Variants in ABCC1 observed in about 807,000 individuals in gnomAD.
The protein encoded by ABCC1 is multidrug resistance-associated protein 1.
In ABCC1, 83 loss-of-function variants were observed where a neutral mutation model predicts 172.9. That is an observed-to-expected ratio of 0.48 (90% CI 0.40 to 0.58). ABCC1 has a LOEUF of 0.58. Among genes scored for constraint, ABCC1 ranks in the 20% least tolerant of loss-of-function variants. ABCC1 has a pLI of 0.00. For synonymous variants in ABCC1, 937 were observed against 825.2 expected (o/e 1.14, Z -2.32); for missense variants, 1,817 against 2,002.7 (o/e 0.91, Z 1.77).
chr16:16,094,040 C>A (rs980926923), intron 19 of ABCC1, among the ~76,000 whole-genome samples: 3 of 142,370 alleles, frequency 2.1e-5, no homozygotes, highest in African/African-American at 8.0e-5. Context: ...AATTTATTCC[C>A]ATGCCATAAG....
At chr16:15,966,862 C>A (rs1369424871) in intron 1 of ABCC1, among the ~76,000 whole-genome samples, 1 of 152,058 alleles carries the variant, frequency 6.6e-6, no homozygotes, top group African/African-American at 2.4e-5. Context: ...GTCACCCAGG[C>A]TGGAGTGCAG....
At chr16:15,958,194 C>T (rs943006309) in intron 1 of ABCC1, among the ~76,000 whole-genome samples, 4 of 152,206 alleles carry the variant, frequency 2.6e-5, no homozygotes, top group African/African-American at 9.6e-5. Flanking sequence ...CAACCTCTGC[C>T]TCCCGGGTTC....
intron 14 of ABCC1, among the ~76,000 whole-genome samples, chr16:16,074,207 A>G (rs1214553055): frequency 6.6e-6 from 1 of 152,140 alleles, no homozygotes; most frequent in Non-Finnish European, 1.5e-5. Context: ...ATACAGTAGT[A>G]TCCATCCCAA....
At chr16:16,080,861 C>A (rs554526338) in intron 16 of ABCC1, among the ~76,000 whole-genome samples, 2 of 122,082 alleles carry the variant, frequency 1.6e-5, no homozygotes, top group African/African-American at 6.4e-5. Flanking sequence ...AAGTTTATGA[C>A]GTTGTTTGTT....
Position 16,039,307 on chromosome 16 carries a change from AC to A in ABCC1, c.809+2707del, listed in dbSNP as rs1353888192. ...TTTTGAGATGGAGTCTCATTCTGTT[AC>A]CCAGGGTGGAATACAGTAGTGTGAT... On this transcript the variant is annotated intron_variant, in intron 7 of 30. Coordinates refer to ENST00000399410, the MANE Select transcript of ABCC1 (RefSeq NM_004996.4). Among the ~76,000 whole-genome samples, 3 of 106,756 alleles carry A rather than the reference AC, an allele frequency of 2.8e-5. No individual in the cohort carries two copies. In the East Asian group the frequency reaches 7.7e-4, roughly 28 times the overall value. The allele number at this position is 106,756 out of a possible 152,430, so 70.0% of individuals were successfully genotyped here. A position where few individuals can be genotyped will look rare whatever the true frequency, so the allele number is the denominator to read the frequency against.
intron 7 of ABCC1, among the ~76,000 whole-genome samples, chr16:16,041,518 C>T (rs989594786): frequency 2.0e-5 from 3 of 152,012 alleles, no homozygotes; most frequent in Admixed American, 6.6e-5. Flanking sequence ...GTAGACGGAT[C>T]GCTTGCTTTA....
At chr16:16,042,466 C>T (rs1302358344) in intron 7 of ABCC1, among the ~76,000 whole-genome samples, 1 of 151,912 alleles carries the variant, frequency 6.6e-6, no homozygotes, top group Non-Finnish European at 1.5e-5. Context: ...ACTTTGGGGG[C>T]CCAAGGCAGG....
chr16:16,092,519 G>T (rs748489067), intron 19 of ABCC1, among the ~76,000 whole-genome samples: 20 of 152,166 alleles, frequency 1.3e-4, no homozygotes, highest in Non-Finnish European at 2.8e-4. Flanking sequence ...TACACTTAGC[G>T]TGGTGTTTTC....
chr16:16,001,298 G>A (rs1211909007), intron 1 of ABCC1, among the ~76,000 whole-genome samples: 1 of 152,046 alleles, frequency 6.6e-6, no homozygotes, highest in Non-Finnish European at 1.5e-5. Flanking sequence ...TGCAAGCTCT[G>A]CCTCCCGGGT....
At chr16:16,090,020 T>C (rs1429230062) in intron 18 of ABCC1, among the ~76,000 whole-genome samples, 1 of 152,202 alleles carries the variant, frequency 6.6e-6, no homozygotes, top group African/African-American at 2.4e-5. Flanking sequence ...CCATTACCTT[T>C]GTTAAAATTG....
intron 1 of ABCC1, among the ~76,000 whole-genome samples, chr16:15,970,879 G>A (rs1356084158): frequency 1.3e-5 from 2 of 152,184 alleles, no homozygotes; most frequent in Non-Finnish European, 2.9e-5. Context: ...ACAGGTGTGA[G>A]CCATTATACC....
At chr16:16,051,045 T>G (rs930125740) in intron 10 of ABCC1, among the ~76,000 whole-genome samples, 1 of 152,220 alleles carries the variant, frequency 6.6e-6, no homozygotes, top group Non-Finnish European at 1.5e-5. Context: ...TATGAACCGT[T>G]AAGAAAATTG....
intron 5 of ABCC1, among the ~76,000 whole-genome samples, chr16:16,018,717 C>T (rs575854041): frequency 8.5e-4 from 128 of 151,350 alleles, no homozygotes; most frequent in Admixed American, 2.8e-3. Context: ...TTGTGTGTCT[C>T]GGTAGTCATA....
intron 12 of ABCC1, among the ~76,000 whole-genome samples, chr16:16,060,498 T>C (rs906402302): frequency 3.3e-5 from 5 of 152,126 alleles, no homozygotes; most frequent in African/African-American, 1.2e-4. Context: ...ACCTTGACTT[T>C]ACCGGGGTGC....
At chr16:16,046,244 A>T (rs1052855350) in intron 9 of ABCC1, among the ~76,000 whole-genome samples, 4 of 152,148 alleles carry the variant, frequency 2.6e-5, no homozygotes, top group African/African-American at 4.8e-5. Flanking sequence ...GCTGTGAGTA[A>T]TTGAGTTTCT....
chr16:16,137,294 G>C (rs2045950881), intron 29 of ABCC1, among the ~76,000 whole-genome samples: 1 of 152,096 alleles, frequency 6.6e-6, no homozygotes, highest in Non-Finnish European at 1.5e-5. Context: ...GGGTCAGCTG[G>C]CTTTTGGCCT....
At chr16:16,101,776 C>T (rs910203034) in intron 19 of ABCC1, among the ~76,000 whole-genome samples, 4 of 152,084 alleles carry the variant, frequency 2.6e-5, no homozygotes, top group Non-Finnish European at 4.4e-5. Flanking sequence ...ACACGGTGCC[C>T]AAGTGCACTT....
intron 17 of ABCC1, among the ~76,000 whole-genome samples, chr16:16,085,290 C>T (rs1192778320): frequency 6.6e-6 from 1 of 152,204 alleles, no homozygotes; most frequent in African/African-American, 2.4e-5. Flanking sequence ...CCTGGGGTGC[C>T]TCCCCTGCTG....
At chr16:15,949,829 G>A (rs2045823395) in intron 1 of ABCC1, 30 bp downstream of exon 1, 2 of 1,191,790 alleles carry the variant, frequency 1.7e-6, no homozygotes, top group Non-Finnish European at 2.1e-6. Context: ...TGAGGCCGGC[G>A]GGACGGAGGG....
Sources: gnomAD v4.1 joint callset for allele counts (sites outside exome capture counted in the v4.1 genomes callset) on GRCh38, gnomAD v4.1.1 for gene constraint, MANE v1.5 for transcripts, NCBI Gene and HGNC (gene_info 2026-07-23, HGNC 2026-07-21) for gene names.